The following FOXN3 variants were observed in gnomAD, a reference collection of about 807,000 sequenced individuals.
FOXN3 encodes forkhead box protein N3.
FOXN3 carries 7 observed loss-of-function variants against 38.4 expected under a neutral mutation model. The ratio of observed to expected loss-of-function variants is 0.18; its 90% CI spans 0.10 to 0.34. The LOEUF (loss-of-function observed/expected upper bound fraction) is 0.34. Among genes scored for constraint, FOXN3 ranks in the 10% least tolerant of loss-of-function variants. The pLI, the probability that FOXN3 is intolerant of heterozygous loss-of-function variation, is 1.00. For synonymous variants in FOXN3, 230 were observed against 242.2 expected (o/e 0.95, Z 0.47); for missense variants, 456 against 613.4 (o/e 0.74, Z 2.71).
chr14:89,453,855 T>C (rs1225077424), intron 1 of FOXN3, among the ~76,000 whole-genome samples: 1 of 152,158 alleles, frequency 6.6e-6, no homozygotes, highest in Non-Finnish European at 1.5e-5. Context: ...TACACTGCTA[T>C]GGACTGAGGT....
intron 1 of FOXN3, among the ~76,000 whole-genome samples, chr14:89,597,824 G>T (rs188823374): frequency 2.4e-4 from 36 of 152,140 alleles, no homozygotes; most frequent in African/African-American, 8.7e-4. Flanking sequence ...TTATAAGAAA[G>T]GTATGTCTCT....
chr14:89,505,305 C>CGGTCTCCCT (rs1555357742), intron 1 of FOXN3, among the ~76,000 whole-genome samples: 3 of 148,424 alleles, frequency 2.0e-5, no homozygotes, highest in Non-Finnish European at 4.5e-5. Context: ...CCTCTCCCCA[C>CGGTCTCCCT]GGTCTCCCTC....
intron 1 of FOXN3, among the ~76,000 whole-genome samples, chr14:89,530,226 C>T (rs940149135): frequency 1.3e-5 from 2 of 152,186 alleles, no homozygotes; most frequent in African/African-American, 4.8e-5. Context: ...GCGTGAGCCA[C>T]TGCACCTGGC....
In FOXN3 at chr14:89,226,875, C is replaced by T. The variant is rs568509978; in HGVS notation, c.746-46069G>A. On this transcript the variant is annotated intron_variant, in intron 4 of 5. Coordinates refer to ENST00000557258, the MANE Select transcript of FOXN3 (RefSeq NM_005197.4). ...CCACAAGCCAAGGAACTACCAAAAC[C>T]TCAGAGAGAGACCTGGAACAGATTC... Among the ~76,000 whole-genome samples the T allele has an allele frequency of 2.2e-4, 33 of 152,306 alleles. 1 individual carries two copies. In the South Asian group the frequency reaches 6.4e-3, roughly 30 times the overall value.
chr14:89,612,503 G>A (rs1471264503), intron 1 of FOXN3, among the ~76,000 whole-genome samples: 1 of 152,142 alleles, frequency 6.6e-6, no homozygotes, highest in Non-Finnish European at 1.5e-5. Flanking sequence ...TGCAACAAGA[G>A]CTCTTAAACT....
intron 3 of FOXN3, among the ~76,000 whole-genome samples, chr14:89,315,090 T>C (rs141734904): frequency 1.6e-4 from 24 of 152,118 alleles, no homozygotes; most frequent in Middle Eastern, 3.4e-3. Flanking sequence ...GCCCCCTCCA[T>C]ATCACCTGGC....
chr14:89,302,262 C>A (rs963603681), intron 3 of FOXN3, among the ~76,000 whole-genome samples: 1 of 152,114 alleles, frequency 6.6e-6, no homozygotes, highest in East Asian at 1.9e-4. Context: ...GCATTAAATT[C>A]GAAGAGAACA....
chr14:89,223,157 G>T (rs940431554), intron 4 of FOXN3: 1 of 152,238 alleles, frequency 6.6e-6, no homozygotes, highest in Admixed American at 6.5e-5. Flanking sequence ...CGTGAGGCTT[G>T]TGACTGAGGC....
At chr14:89,505,293 CCCCTCT>C (rs1893891451) in intron 1 of FOXN3, among the ~76,000 whole-genome samples, 1 of 151,070 alleles carries the variant, frequency 6.6e-6, no homozygotes, top group Non-Finnish European at 1.5e-5. Flanking sequence ...CCTCCCCCTC[CCCCTCT>C]CCCCACGGTC....
chr14:89,518,963 C>T (rs934068657), intron 1 of FOXN3, among the ~76,000 whole-genome samples: 4 of 151,858 alleles, frequency 2.6e-5, no homozygotes, highest in Non-Finnish European at 5.9e-5. Context: ...TGCGGTGGGC[C>T]GAGATCATAC....
intron 4 of FOXN3, among the ~76,000 whole-genome samples, chr14:89,266,898 T>C (rs1170827747): frequency 1.3e-5 from 2 of 152,068 alleles, no homozygotes; most frequent in African/African-American, 4.8e-5. Flanking sequence ...CACCAAAAGC[T>C]CATTTGGCGA....
chr14:89,250,603 A>G (rs56156202), intron 4 of FOXN3, among the ~76,000 whole-genome samples: 8,253 of 152,276 alleles, frequency 0.054, 509 homozygotes, highest in African/African-American at 0.15. Context: ...AAGTCAAGTT[A>G]TTCTGCCAGG....
Position 89,161,598 on chromosome 14 carries a change from C to CGTGTGT in FOXN3, c.*815_*816insACACAC, listed in dbSNP as rs1436546474. 3 of 88,130 alleles carry CGTGTGT rather than the reference C, an allele frequency of 3.4e-5. No individual in the cohort carries two copies. Among genetic ancestry groups the CGTGTGT allele is most frequent in the African/African-American group, 1.0e-4 (3 of 29,754 alleles). The allele number at this position is 88,130 out of a possible 1,614,324, so 5.5% of individuals were successfully genotyped here. A position where few individuals can be genotyped will look rare whatever the true frequency, so the allele number is the denominator to read the frequency against. The stretch of plus-strand genomic sequence containing the variant: ...GTGTGTGTGTGTGTGTGTGTGTGTG[C>CGTGTGT]GTGCGTGCACAGGGCCAATCTTCAG... On this transcript the variant is annotated 3_prime_UTR_variant, in exon 6 of 6. Transcript: ENST00000557258.
chr14:89,158,052 T>G lies in FOXN3; in HGVS notation c.*4362A>C, dbSNP rs1287293008. 6.6e-6 allele frequency: 1 copy of G among 152,360 alleles called. No individual in the cohort carries two copies. Among genetic ancestry groups the G allele is most frequent in the Admixed American group, 6.5e-5 (1 of 15,288 alleles). The allele number at this position is 152,360 out of a possible 1,614,324, so 9.4% of individuals were successfully genotyped here. On this transcript the variant is annotated 3_prime_UTR_variant, in exon 6 of 6. Coordinates refer to ENST00000557258, the MANE Select transcript of FOXN3 (RefSeq NM_005197.4). ...GGATTAAAGGGAAAGAGAAATCACA[T>G]GGAATTTAATCCAATCTCATCTAGA...
At chr14:89,455,606 C>T (rs553803949) in intron 1 of FOXN3, among the ~76,000 whole-genome samples, 1 of 152,142 alleles carries the variant, frequency 6.6e-6, no homozygotes, top group African/African-American at 2.4e-5. Flanking sequence ...GCCACAGCCA[C>T]GTAGCAGGCA....
chr14:89,518,860 C>A (rs1043159539), intron 1 of FOXN3, among the ~76,000 whole-genome samples: 3 of 152,002 alleles, frequency 2.0e-5, no homozygotes, highest in Admixed American at 6.5e-5. Context: ...ACTAAAAATT[C>A]AAAAATTAGC....
chr14:89,383,096 C>T lies in FOXN3; in HGVS notation c.543+28838G>A, dbSNP rs183483196. ...TCAGTACCATCTGTGAATTACACTGCGGTAGCCAGGTTTTTTGATAATTTG... is the reference window on the plus strand; with the variant it reads ...TCAGTACCATCTGTGAATTACACTGTGGTAGCCAGGTTTTTTGATAATTTG... On this transcript the variant is annotated intron_variant, in intron 2 of 5. Transcript: ENST00000557258. 1.7e-4 allele frequency among the ~76,000 whole-genome samples: 22 copies of T among 132,570 alleles called. No individual in the cohort carries two copies. In the East Asian group the frequency reaches 4.8e-3, roughly 29 times the overall value. The allele number at this position is 132,570 out of a possible 152,430, so 87.0% of individuals were successfully genotyped here.
chr14:89,441,077 G>A (rs796154334), intron 1 of FOXN3, among the ~76,000 whole-genome samples: 23 of 152,184 alleles, frequency 1.5e-4, no homozygotes, highest in African/African-American at 4.6e-4. Context: ...GAAAGTGGCC[G>A]AGGCTCCGGC....
chr14:89,381,081 G>T (rs899058340), intron 2 of FOXN3, among the ~76,000 whole-genome samples: 2 of 139,424 alleles, frequency 1.4e-5, no homozygotes, highest in African/African-American at 5.2e-5. Context: ...AGCAGCGATT[G>T]CAGTGAGCCA....
Sources: allele counts gnomAD v4.1 joint callset (sites outside exome capture counted in the v4.1 genomes callset), GRCh38; gene constraint gnomAD v4.1.1; transcripts MANE v1.5; gene names NCBI Gene and HGNC (gene_info 2026-07-23, HGNC 2026-07-21).